VRK2: variants seen among roughly 807,000 people sequenced by gnomAD.
VRK2 encodes the protein serine/threonine-protein kinase VRK2.
In VRK2, 60 loss-of-function variants were observed where a neutral mutation model predicts 57.6. The observed-to-expected ratio is 1.04, with a 90% confidence interval of 0.85 to 1.29. The LOEUF (loss-of-function observed/expected upper bound fraction) is 1.29, where lower values mean the gene tolerates loss of function less well. Among genes scored for constraint, VRK2 ranks in the 50% most tolerant of loss-of-function variants. The pLI is 0.00. For missense variants in VRK2, 705 were observed against 588.1 expected, an observed-to-expected ratio of 1.20 and a Z score of -2.06; for synonymous variants, 231 against 199.2, an observed-to-expected ratio of 1.16 and a Z score of -1.35.
chr2:57,930,113 G>T (rs1670670333), intron 1 of VRK2, among the ~76,000 whole-genome samples: 1 of 152,150 alleles, frequency 6.6e-6, no homozygotes, highest in Non-Finnish European at 1.5e-5. Flanking sequence ...CTGGCCCCAA[G>T]CCCAGCACAG....
intron 1 of VRK2, among the ~76,000 whole-genome samples, chr2:57,943,354 C>A (rs1671158889): frequency 6.6e-6 from 1 of 152,110 alleles, no homozygotes; most frequent in South Asian, 2.1e-4. Context: ...GATTTTTATT[C>A]CAGGCAACTG....
intron 2 of VRK2, among the ~76,000 whole-genome samples, chr2:58,068,821 A>C (rs1188706483): frequency 2.0e-5 from 3 of 151,030 alleles, no homozygotes; most frequent in Non-Finnish European, 3.0e-5. Context: ...GAAAAAAAAA[A>C]AAAAAAAACA....
At chr2:57,943,523 C>G (rs146360205) in intron 1 of VRK2, among the ~76,000 whole-genome samples, 212 of 152,230 alleles carry the variant, frequency 1.4e-3, no homozygotes, top group Middle Eastern at 0.01. Context: ...TCTGGCACTT[C>G]CCTAAGGACA....
chr2:58,104,005 A>G (rs1448246058), intron 7 of VRK2, among the ~76,000 whole-genome samples: 2 of 151,868 alleles, frequency 1.3e-5, no homozygotes, highest in African/African-American at 4.8e-5. Context: ...GAAAAAAAGC[A>G]TGTGATAAAA....
chr2:58,121,283 C>G (rs951363227), intron 7 of VRK2, among the ~76,000 whole-genome samples: 1 of 152,176 alleles, frequency 6.6e-6, no homozygotes, highest in Non-Finnish European at 1.5e-5. Flanking sequence ...CTTGATAGCT[C>G]TTTTTTAAAA....
chr2:58,083,744 AT>A (rs1269620490), intron 2 of VRK2, among the ~76,000 whole-genome samples: 2 of 151,776 alleles, frequency 1.3e-5, no homozygotes. Flanking sequence ...TCTATAAAAT[AT>A]TTCCCCCCAC....
intron 1 of VRK2, among the ~76,000 whole-genome samples, chr2:57,979,337 G>C (rs1471202114): frequency 6.6e-6 from 1 of 151,076 alleles, no homozygotes; most frequent in African/African-American, 2.5e-5. Flanking sequence ...ATTGTTTCCT[G>C]ACTTTTTACT....
chr2:58,075,918 T>G (rs1022725006), intron 2 of VRK2, among the ~76,000 whole-genome samples: 14 of 152,136 alleles, frequency 9.2e-5, no homozygotes, highest in African/African-American at 3.1e-4. Flanking sequence ...TTCCAGTTTT[T>G]GGGCACTGAT....
At chr2:57,974,792 G>C (rs1017536492) in intron 1 of VRK2, among the ~76,000 whole-genome samples, 9 of 151,662 alleles carry the variant, frequency 5.9e-5, no homozygotes, top group Non-Finnish European at 8.8e-5. Flanking sequence ...GAAGATAAAA[G>C]CAGAAAATAA....
At chr2:57,971,347 T>C (rs1036649888) in intron 1 of VRK2, among the ~76,000 whole-genome samples, 1 of 151,964 alleles carries the variant, frequency 6.6e-6, no homozygotes, top group African/African-American at 2.4e-5. Flanking sequence ...TATATACAAT[T>C]CAAGACTTCC....
chr2:58,027,227 C>T (rs1013266933), intron 2 of VRK2, among the ~76,000 whole-genome samples: 12 of 151,926 alleles, frequency 7.9e-5, no homozygotes, highest in African/African-American at 2.7e-4. Flanking sequence ...TACCCAGTGA[C>T]TCAGCAAAAT....
At chr2:57,986,896 GC>G (rs1023136614) in intron 1 of VRK2, among the ~76,000 whole-genome samples, 3 of 152,068 alleles carry the variant, frequency 2.0e-5, no homozygotes, top group African/African-American at 7.2e-5. Context: ...ATCGTGCCCA[GC>G]CTCAATTGAT....
chr2:58,138,468 G>A (rs1196731909), intron 10 of VRK2, among the ~76,000 whole-genome samples: 6 of 152,166 alleles, frequency 3.9e-5, no homozygotes, highest in African/African-American at 1.2e-4. Context: ...TTTTAACCAC[G>A]TTAGCTTCAT....
chr2:58,075,192 G>A (rs573163760), intron 2 of VRK2, among the ~76,000 whole-genome samples: 4 of 152,122 alleles, frequency 2.6e-5, no homozygotes, highest in South Asian at 2.1e-4. Context: ...ATGGCCTCCA[G>A]CTCCATCCAT....
At chr2:57,980,044 A>G (rs981727429) in intron 1 of VRK2, among the ~76,000 whole-genome samples, 1 of 151,980 alleles carries the variant, frequency 6.6e-6, no homozygotes, top group Admixed American at 6.6e-5. Context: ...CGTTCAGTTC[A>G]GCTTTGATTT....
intron 1 of VRK2, among the ~76,000 whole-genome samples, chr2:57,972,360 C>T (rs1019533050): frequency 1.3e-5 from 2 of 151,702 alleles, no homozygotes; most frequent in Non-Finnish European, 2.9e-5. Flanking sequence ...CCTCTCTTAC[C>T]AAAAGTTTTA....
intron 1 of VRK2, among the ~76,000 whole-genome samples, chr2:57,917,839 G>C (rs778045175): frequency 1.3e-5 from 2 of 151,856 alleles, no homozygotes; most frequent in African/African-American, 4.8e-5. Flanking sequence ...ATATGATAAA[G>C]TTTTCTTTAT....
intron 1 of VRK2, among the ~76,000 whole-genome samples, chr2:57,942,448 T>C (rs892896659): frequency 6.6e-6 from 1 of 152,294 alleles, no homozygotes; most frequent in Non-Finnish European, 1.5e-5. Flanking sequence ...CTGTTTTGCA[T>C]ATGTAAGTAG....
At chr2:58,156,672 T>C (rs184932847) in intron 12 of VRK2, among the ~76,000 whole-genome samples, 1 of 152,304 alleles carries the variant, frequency 6.6e-6, no homozygotes, top group Non-Finnish European at 1.5e-5. Flanking sequence ...CAATGAATTT[T>C]TCATGTTATA....
Sources: allele counts gnomAD v4.1 joint callset (sites outside exome capture counted in the v4.1 genomes callset), GRCh38; gene constraint gnomAD v4.1.1; transcripts MANE v1.5; gene names NCBI Gene and HGNC (gene_info 2026-07-23, HGNC 2026-07-21).